PHF24: variants seen among roughly 807,000 people sequenced by gnomAD.
PHF24 encodes Galpha inhibitory interacting protein.
In PHF24, 25 loss-of-function variants were observed where a neutral mutation model predicts 42.6. That is an observed-to-expected ratio of 0.59 (90% confidence interval 0.43 to 0.82). The LOEUF is 0.82. PHF24 is among the 40% of genes least tolerant of loss of function. PHF24 has a pLI of 0.00. For synonymous variants in PHF24, 185 were observed against 204.8 expected (o/e 0.90, Z 0.83); for missense variants, 470 against 538.1 (o/e 0.87, Z 1.25).
chr9:34,729,167 A>G, the PHF24 span: 7 of 1,228,858 alleles, frequency 5.7e-6, no homozygotes, highest in African/African-American at 1.5e-5. Flanking sequence ...GTATTACACA[A>G]AGGTAACTGA....
chr9:34,690,362 T>C, the PHF24 span: 1 of 1,610,340 alleles, frequency 6.2e-7, no homozygotes, highest in African/African-American at 1.4e-5. Flanking sequence ...GGAAAGAAGG[T>C]GACAGGACAC....
the PHF24 span, chr9:34,895,513 G>T: frequency 2.5e-6 from 1 of 398,478 alleles, no homozygotes; most frequent in Non-Finnish European, 4.4e-6. Flanking sequence ...AGTAACAAGA[G>T]AAAGCTCGGG....
chr9:34,875,936 A>ACTCTCTCTCTCTCTCTCTCTCTCTCT, the PHF24 span, among the ~76,000 whole-genome samples: 1 of 87,902 alleles, frequency 1.1e-5, no homozygotes, highest in Non-Finnish European at 2.3e-5. Flanking sequence ...ACACACACAC[A>ACTCTCTCTCTCTCTCTCTCTCTCTCT]CACACACACA....
At chr9:34,768,053 G>T in the PHF24 span, among the ~76,000 whole-genome samples, 1 of 152,162 alleles carries the variant, frequency 6.6e-6, no homozygotes, top group Admixed American at 6.5e-5. Flanking sequence ...TGTTCATGGG[G>T]CATTGCAAAT....
intron 1 of PHF24, among the ~76,000 whole-genome samples, chr9:34,961,724 CA>C (rs1281373152): frequency 6.6e-6 from 1 of 152,218 alleles, no homozygotes; most frequent in Admixed American, 6.5e-5. Context: ...AGTGCCCTGC[CA>C]AAATTACTTT....
chr9:34,839,421 C>T, the PHF24 span, among the ~76,000 whole-genome samples: 9 of 152,140 alleles, frequency 5.9e-5, no homozygotes, highest in African/African-American at 2.2e-4. Context: ...AGCTGTTTTC[C>T]ACTTTTGCCT....
At chr9:34,912,883 C>T in the PHF24 span, among the ~76,000 whole-genome samples, 14 of 152,190 alleles carry the variant, frequency 9.2e-5, no homozygotes, top group African/African-American at 3.1e-4. Flanking sequence ...AAGATGTTGA[C>T]ATTATTAGAC....
chr9:34,917,492 C>T, the PHF24 span: 3 of 771,490 alleles, frequency 3.9e-6, no homozygotes, highest in South Asian at 2.7e-5. Context: ...CAAGTACAAT[C>T]GAAAGCCTGC....
At chr9:34,927,905 G>A in the PHF24 span, among the ~76,000 whole-genome samples, 1 of 152,286 alleles carries the variant, frequency 6.6e-6, no homozygotes, top group South Asian at 2.1e-4. Context: ...AAGCAGAGGT[G>A]TGACTTCATG....
At chr9:34,966,766 G>A (rs1216519949) in intron 1 of PHF24, among the ~76,000 whole-genome samples, 1 of 152,080 alleles carries the variant, frequency 6.6e-6, no homozygotes, top group African/African-American at 2.4e-5. Flanking sequence ...CACAGGCACA[G>A]TCATGGCACA....
chr9:34,746,699 G>C, the PHF24 span, among the ~76,000 whole-genome samples: 1 of 152,174 alleles, frequency 6.6e-6, no homozygotes, highest in African/African-American at 2.4e-5. Context: ...TCCTTTCCTT[G>C]CTCAATAAAG....
the PHF24 span, among the ~76,000 whole-genome samples, chr9:34,921,384 C>A: frequency 2.0e-5 from 3 of 151,684 alleles, no homozygotes; most frequent in African/African-American, 7.3e-5. Flanking sequence ...AAGCAAAAAA[C>A]CTAAAAAAAA....
At chr9:34,775,916 A>G in the PHF24 span, among the ~76,000 whole-genome samples, 1 of 152,236 alleles carries the variant, frequency 6.6e-6, no homozygotes, top group African/African-American at 2.4e-5. Flanking sequence ...TTGGCAATAA[A>G]AAGGAATGAA....
chr9:34,912,315 C>T, the PHF24 span, among the ~76,000 whole-genome samples: 1 of 152,064 alleles, frequency 6.6e-6, no homozygotes, highest in Admixed American at 6.5e-5. Flanking sequence ...TAGACCCAAT[C>T]ACACAGAACT....
the PHF24 span, among the ~76,000 whole-genome samples, chr9:34,802,684 A>G: frequency 6.6e-6 from 1 of 152,228 alleles, no homozygotes; most frequent in Non-Finnish European, 1.5e-5. Flanking sequence ...ATGCCAGGTT[A>G]CAATCTGAAG....
At chr9:34,876,202 G>T in the PHF24 span, among the ~76,000 whole-genome samples, 11 of 152,102 alleles carry the variant, frequency 7.2e-5, no homozygotes, top group Admixed American at 7.2e-4. Context: ...CCTGCACATG[G>T]ATGTTTATCG....
the PHF24 span, among the ~76,000 whole-genome samples, chr9:34,706,707 GT>G: frequency 2.0e-5 from 3 of 152,242 alleles, no homozygotes; most frequent in Admixed American, 6.5e-5. Context: ...GAAATAGAGA[GT>G]TTTGTTTTTT....
the PHF24 span, among the ~76,000 whole-genome samples, chr9:34,890,511 G>A: frequency 6.6e-6 from 1 of 152,144 alleles, no homozygotes; most frequent in Non-Finnish European, 1.5e-5. Context: ...GTACTGCTAT[G>A]GAACTAGATC....
chr9:34,815,649 G>A, the PHF24 span, among the ~76,000 whole-genome samples: 2 of 152,130 alleles, frequency 1.3e-5, no homozygotes, highest in Non-Finnish European at 2.9e-5. Context: ...CTACTCAATG[G>A]ATTTCTGCCC....
Sources: allele counts gnomAD v4.1 joint callset (sites outside exome capture counted in the v4.1 genomes callset), GRCh38; gene constraint gnomAD v4.1.1; transcripts MANE v1.5; gene names NCBI Gene and HGNC (gene_info 2026-07-23, HGNC 2026-07-21).